Variants in PREP observed in about 807,000 individuals in gnomAD.
PREP encodes the protein prolyl endopeptidase, also known as dJ355L5.1 (prolyl endopeptidase).
In PREP, 29 loss-of-function variants were observed where a neutral mutation model predicts 87.6. The observed-to-expected ratio is 0.33, with a 90% CI of 0.25 to 0.45. PREP has a LOEUF of 0.45. Among genes scored for constraint, PREP ranks in the 20% least tolerant of loss-of-function variants. The pLI is 1.00. For missense variants in PREP, 695 were observed against 886.5 expected, an observed-to-expected ratio of 0.78 and a Z score of 2.74; for synonymous variants, 337 against 328.6, an observed-to-expected ratio of 1.03 and a Z score of -0.28.
chr6:105,402,418 TCACACACA>T lies in PREP; in HGVS notation c.45+421_45+428del, dbSNP rs36086068. ...TTTGTTTTCGTTTTTAAATGTGACA[TCACACACA>T]CACACACACACACACACACACAAAC... On this transcript the variant is annotated intron_variant, in intron 1 of 14. Coordinates refer to ENST00000652536, the MANE Select transcript of PREP (RefSeq NM_002726.5). Among the ~76,000 whole-genome samples the T allele has an allele frequency of 4.9e-3, 724 of 147,220 alleles. 24 individuals carry two copies. In the East Asian group the frequency reaches 0.11, roughly 22 times the overall value.
chr6:105,376,261 G>A lies in PREP; in HGVS notation c.255-6C>T. 6.2e-7 allele frequency: 1 copy of A among 1,611,928 alleles called. No individual in the cohort carries two copies. Among genetic ancestry groups the A allele is most frequent in the Non-Finnish European group, 8.5e-7 (1 of 1,179,024 alleles). On this transcript the variant is annotated splice_polypyrimidine_tract_variant and splice_region_variant and intron_variant, in intron 3 of 14. Transcript: ENST00000652536. ...TATTGTAAAAATAAAAATACCTGGG[G>A]AACAGAGATGGTCTTTATTCAGCTG... is the stretch of plus-strand genomic sequence containing the variant.
chr6:105,367,957 T>C (rs1195965771), intron 6 of PREP, among the ~76,000 whole-genome samples: 1 of 152,150 alleles, frequency 6.6e-6, no homozygotes, highest in Admixed American at 6.5e-5. Context: ...TTTTTTTTAC[T>C]AACCCCTGGT....
Position 105,273,477 on chromosome 6 carries a change from C to T in PREP, c.*4667G>A, listed in dbSNP as rs1367175344. The T allele has an allele frequency of 6.6e-6, 1 of 152,126 alleles. No individual in the cohort carries two copies. The highest frequency in any genetic ancestry group is 2.4e-5 in the African/African-American group (1 of 41,396). 9.4% of individuals were successfully genotyped at this position (152,126 alleles called of 1,614,324 possible). On this transcript the variant is annotated 3_prime_UTR_variant, in exon 15 of 15. Coordinates refer to ENST00000652536, the MANE Select transcript of PREP (RefSeq NM_002726.5). ...TCTACATTCTATCTTTATAGAACTG[C>T]CTTTTCAGGATATTTCACTTAATCA...
chr6:105,322,586 T>C, intron 10 of PREP: 1 of 986,826 alleles, frequency 1.0e-6, no homozygotes, highest in Middle Eastern at 5.2e-4. Context: ...GGCCATATAT[T>C]AAATATTTCA....
rs781245157 is a variant in PREP at position 105,373,566 on chromosome 6, C to T, written c.398G>A (p.Ser133Asn). The stretch of plus-strand genomic sequence containing the variant: ...ATAGGCAAAATATTCACCATCTTCG[C>T]TGAACGCATAACCTATGGGACACAG... ...GTVALRGYAFSEDGEYFAYGL... is the reference protein window; with the variant it reads ...GTVALRGYAFNEDGEYFAYGL... The change falls in exon 5 of 15, where the codon AGC becomes AAC. Residue 133 changes from serine (S) to asparagine (N), a missense_variant. Around this residue, in one of 5 missense-constraint regions of PREP, gnomAD observed 517 missense variants for 620.3 expected, o/e 0.83. Transcript: ENST00000652536. 1.9e-6 allele frequency: 3 copies of T among 1,614,090 alleles called. No homozygotes were observed. In the South Asian group the frequency reaches 3.3e-5, roughly 18 times the overall value.
chr6:105,298,721 T>G (rs1149306), intron 10 of PREP: 56,938 of 154,658 alleles, frequency 0.37, 15,414 homozygotes, highest in African/African-American at 0.77. Flanking sequence ...CAGGTTAACT[T>G]GGAAGACAAA....
chr6:105,322,710 C>A (rs1427653144), intron 10 of PREP: 12 of 996,810 alleles, frequency 1.2e-5, no homozygotes, highest in African/African-American at 1.7e-5. Flanking sequence ...GCCAGTTTGC[C>A]AACTGCTGAT....
At chr6:105,339,579 CA>C (rs1205163806) in intron 7 of PREP, among the ~76,000 whole-genome samples, 1 of 152,098 alleles carries the variant, frequency 6.6e-6, no homozygotes, top group Non-Finnish European at 1.5e-5. Flanking sequence ...TCGGTAATAA[CA>C]AAATTCTCCG....
At chr6:105,299,458 G>A (rs559156645) in intron 10 of PREP, among the ~76,000 whole-genome samples, 27 of 152,292 alleles carry the variant, frequency 1.8e-4, no homozygotes, top group Non-Finnish European at 3.5e-4. Context: ...ACTTAGCCAG[G>A]CATGGTGGAG....
intron 6 of PREP, among the ~76,000 whole-genome samples, chr6:105,364,897 CAAAAGCAACAATTAAAT>C (rs1583084453): frequency 6.6e-6 from 1 of 152,124 alleles, no homozygotes; most frequent in African/African-American, 2.4e-5. Context: ...ACTTTTATAA[CAAAAGCAACAATTAAAT>C]AAAAGCAACA....
chr6:105,286,497 ATT>A (rs1327709272), intron 11 of PREP, among the ~76,000 whole-genome samples: 2 of 152,074 alleles, frequency 1.3e-5, no homozygotes, highest in Non-Finnish European at 2.9e-5. Context: ...GAAAATTTGG[ATT>A]TTGTTTCCCC....
At position 105,369,011 on chromosome 6, in the gene PREP, A is replaced by G. The variant is rs1009183192; in HGVS notation, c.609T>C (p.Ser203=). Residue 203 remains serine (S), a synonymous_variant, in exon 6 of 15, where the codon TCT becomes TCC. Transcript: ENST00000652536. The part of the protein sequence containing the change: ...QDGKSDGTET[S]TNLHQKLYYH... Reference sequence around the variant, plus strand: ...AGTAGAGCTTTTGGTGGAGATTGGTAGATGTCTCTGTGCCTGAAGGAGTTA... The same window carrying G: ...AGTAGAGCTTTTGGTGGAGATTGGTGGATGTCTCTGTGCCTGAAGGAGTTA... 5 of 1,614,014 alleles carry G rather than the reference A, an allele frequency of 3.1e-6. No individual in the cohort carries two copies. Among genetic ancestry groups the G allele is most frequent in the Non-Finnish European group, 4.2e-6 (5 of 1,179,900 alleles).
intron 12 of PREP, among the ~76,000 whole-genome samples, chr6:105,283,866 C>T (rs772015411): frequency 6.6e-6 from 1 of 152,186 alleles, no homozygotes; most frequent in Non-Finnish European, 1.5e-5. Context: ...AGAGAGCAGA[C>T]TAGGACCAAA....
At chr6:105,332,664 C>T (rs7759457) in intron 8 of PREP, among the ~76,000 whole-genome samples, 56,213 of 152,082 alleles carry the variant, frequency 0.37, 14,814 homozygotes, top group African/African-American at 0.75. Flanking sequence ...ATGAGTTTTA[C>T]TGTAGTCAAA....
intron 2 of PREP, among the ~76,000 whole-genome samples, chr6:105,396,834 A>G (rs111799721): frequency 9.5e-4 from 145 of 152,266 alleles, no homozygotes; most frequent in African/African-American, 3.3e-3. Context: ...AGAACTTAAG[A>G]TGAACTTGAG....
chr6:105,341,846 T>C (rs975717260), intron 7 of PREP, among the ~76,000 whole-genome samples: 1 of 152,110 alleles, frequency 6.6e-6, no homozygotes, highest in Non-Finnish European at 1.5e-5. Context: ...CAGGAAGAAG[T>C]TGCATCCCTG....
intron 6 of PREP, among the ~76,000 whole-genome samples, chr6:105,358,107 T>A (rs1373710388): frequency 3.9e-5 from 6 of 152,094 alleles, no homozygotes; most frequent in Non-Finnish European, 8.8e-5. Flanking sequence ...CCTTCTATTT[T>A]AAATCTATAT....
At chr6:105,342,199 C>T (rs540535645) in intron 7 of PREP, among the ~76,000 whole-genome samples, 1 of 152,348 alleles carries the variant, frequency 6.6e-6, no homozygotes, top group East Asian at 1.9e-4. Flanking sequence ...AGCAAGTGGG[C>T]TTCATCCCTG....
Position 105,277,097 on chromosome 6 carries a change from A to AT in PREP, c.*1046dup, listed in dbSNP as rs1483810299. The stretch of plus-strand genomic sequence containing the variant: ...TGTTAAAATATATGCCTTGAAAAAA[A>AT]TTTTATGGATGAAAGTTTAAGGAAT... On this transcript the variant is annotated 3_prime_UTR_variant, in exon 15 of 15. Transcript: ENST00000652536. 6.6e-6 allele frequency among the ~76,000 whole-genome samples: 1 copy of AT among 151,992 alleles called. No homozygotes were observed. Among genetic ancestry groups the AT allele is most frequent in the Non-Finnish European group, 1.5e-5 (1 of 67,982 alleles).
Sources: allele counts gnomAD v4.1 joint callset (sites outside exome capture counted in the v4.1 genomes callset), GRCh38; gene constraint gnomAD v4.1.1; regional missense constraint gnomAD v4.1.1; transcripts MANE v1.5; gene names NCBI Gene and HGNC (gene_info 2026-07-23, HGNC 2026-07-21).